Variants in KALRN observed in about 807,000 individuals in gnomAD.
KALRN encodes kalirin RhoGEF kinase, also known as kalirin.
KALRN carries 70 observed loss-of-function variants against 353.7 expected under a neutral mutation model. The observed-to-expected ratio is 0.20, with a 90% CI of 0.16 to 0.24. KALRN has a LOEUF of 0.24. Among genes scored for constraint, KALRN ranks in the 10% least tolerant of loss-of-function variants. The probability of loss-of-function intolerance (pLI) is 1.00; values close to 1 mark genes in which losing one functional copy is unlikely to be tolerated. For synonymous variants in KALRN, 1,391 were observed against 1,434.8 expected (o/e 0.97, Z 0.69); for missense variants, 2,791 against 3,756.7 (o/e 0.74, Z 6.72).
intron 22 of KALRN, among the ~76,000 whole-genome samples, chr3:124,455,637 A>G (rs1405674380): frequency 6.6e-6 from 1 of 152,192 alleles, no homozygotes; most frequent in Non-Finnish European, 1.5e-5. Context: ...TTCTCTGTAT[A>G]GAGTTAACTG....
intron 17 of KALRN, among the ~76,000 whole-genome samples, chr3:124,435,642 G>A (rs571143029): frequency 1.3e-5 from 2 of 152,268 alleles, no homozygotes; most frequent in African/African-American, 4.8e-5. Context: ...GCGCATCAGA[G>A]GGCCCTGCAG....
chr3:124,215,355 G>C (rs933424431), intron 1 of KALRN, among the ~76,000 whole-genome samples: 5 of 152,164 alleles, frequency 3.3e-5, no homozygotes, highest in Non-Finnish European at 5.9e-5. Flanking sequence ...GTAGCTTACT[G>C]GTATGCAGTG....
intron 1 of KALRN, among the ~76,000 whole-genome samples, chr3:124,181,696 C>T (rs759868669): frequency 6.6e-6 from 1 of 152,040 alleles, no homozygotes; most frequent in East Asian, 1.9e-4. Context: ...TTGCTGCAGT[C>T]GTTTGGAAGG....
chr3:124,247,545 T>TA (rs1273454067), intron 3 of KALRN, among the ~76,000 whole-genome samples: 3 of 152,126 alleles, frequency 2.0e-5, no homozygotes, highest in African/African-American at 4.8e-5. Flanking sequence ...AAATCAAATT[T>TA]AAAAAAACTA....
chr3:124,206,870 A>G (rs958586570), intron 1 of KALRN, among the ~76,000 whole-genome samples: 7 of 152,222 alleles, frequency 4.6e-5, no homozygotes, highest in Non-Finnish European at 1.0e-4. Flanking sequence ...ATTATTGTCT[A>G]AAATGCCTCA....
At chr3:124,170,860 TTTTTTTTTTTG>T (rs2071696129) in intron 1 of KALRN, among the ~76,000 whole-genome samples, 3 of 100,770 alleles carry the variant, frequency 3.0e-5, no homozygotes, top group East Asian at 6.8e-4. Context: ...TTTTTTTTTT[TTTTTTTTTTTG>T]AGACATGGTC....
rs1576356473 is a variant in KALRN at position 124,368,755 on chromosome 3, A to C, written c.1771-16090A>C. ...TAGTGAGCCGAGATCACGCCACTGC[A>C]CTCCAGCCTGGGCACCATTGAGCAC... On this transcript the variant is annotated intron_variant, in intron 10 of 59. Coordinates refer to ENST00000682506, the MANE Select transcript of KALRN (RefSeq NM_001388419.1). Among the ~76,000 whole-genome samples, 12 of 150,678 alleles carry C rather than the reference A, an allele frequency of 8.0e-5. No homozygotes were observed. In the South Asian group the frequency reaches 2.6e-3, roughly 32 times the overall value.
chr3:124,391,978 G>A (rs1017791168), intron 11 of KALRN, among the ~76,000 whole-genome samples: 4 of 152,188 alleles, frequency 2.6e-5, no homozygotes, highest in African/African-American at 9.7e-5. Flanking sequence ...CCAAAATGAA[G>A]GACTACTTCA....
chr3:124,146,539 G>C (rs1156543040), intron 1 of KALRN, among the ~76,000 whole-genome samples: 1 of 152,086 alleles, frequency 6.6e-6, no homozygotes, highest in Non-Finnish European at 1.5e-5. Context: ...AGGCTAGAGA[G>C]GTACTAGAAG....
intron 3 of KALRN, 86 bp downstream of exon 3, chr3:124,235,029 G>C: frequency 1.1e-6 from 1 of 874,946 alleles, no homozygotes; most frequent in East Asian, 2.6e-5. Context: ...TCCCTGCCAG[G>C]GACCCTAGTG....
chr3:124,374,471 A>G (rs2086300584), intron 10 of KALRN: 1 of 152,222 alleles, frequency 6.6e-6, no homozygotes, highest in African/African-American at 2.4e-5. Context: ...CAACAGAGAT[A>G]TATGTGACCA....
At chr3:124,138,296 C>T (rs1353966264) in intron 1 of KALRN, among the ~76,000 whole-genome samples, 1 of 152,150 alleles carries the variant, frequency 6.6e-6, no homozygotes, top group Admixed American at 6.5e-5. Context: ...TACTCTTTTC[C>T]ACTCCCCCAA....
At chr3:124,405,158 G>A (rs748448042) in intron 13 of KALRN, among the ~76,000 whole-genome samples, 1 of 152,082 alleles carries the variant, frequency 6.6e-6, no homozygotes, top group Non-Finnish European at 1.5e-5. Context: ...TTAATTTCAG[G>A]ATCACTGGGA....
intron 5 of KALRN, among the ~76,000 whole-genome samples, chr3:124,295,847 T>G (rs2076803652): frequency 1.3e-5 from 2 of 152,226 alleles, no homozygotes; most frequent in African/African-American, 2.4e-5. Context: ...TGTCTTCTTT[T>G]CCTTCTTGTC....
chr3:124,222,648 C>T (rs1180808588), intron 1 of KALRN, among the ~76,000 whole-genome samples: 1 of 152,130 alleles, frequency 6.6e-6, no homozygotes, highest in Non-Finnish European at 1.5e-5. Flanking sequence ...GTCACCCGGG[C>T]TGGAGTGAAG....
chr3:124,123,664 A>G (rs1196479770), intron 1 of KALRN, among the ~76,000 whole-genome samples: 2 of 152,258 alleles, frequency 1.3e-5, no homozygotes, highest in African/African-American at 2.4e-5. Flanking sequence ...ATAGCCTTCT[A>G]TTGGAAGAAG....
At chr3:124,597,394 G>A (rs1028365108) in intron 34 of KALRN, among the ~76,000 whole-genome samples, 5 of 152,232 alleles carry the variant, frequency 3.3e-5, no homozygotes, top group African/African-American at 1.2e-4. Flanking sequence ...ACAGTGCTGC[G>A]AGGTCCTGCC....
At chr3:124,325,493 C>A (rs963335338) in intron 6 of KALRN, among the ~76,000 whole-genome samples, 2 of 152,140 alleles carry the variant, frequency 1.3e-5, no homozygotes, top group African/African-American at 4.8e-5. Flanking sequence ...ATTACTGTGT[C>A]TCCTTTGCCC....
rs546735311 is a variant in KALRN at position 124,036,468 on chromosome 3, G to A, written c.73+2655G>A. Among the ~76,000 whole-genome samples, 40 of 151,746 alleles carry A rather than the reference G, an allele frequency of 2.6e-4. No individual in the cohort carries two copies. In the South Asian group the frequency reaches 8.4e-3, roughly 32 times the overall value. On this transcript the variant is annotated intron_variant, in intron 1 of 59. Coordinates refer to ENST00000682506, the MANE Select transcript of KALRN (RefSeq NM_001388419.1). ...CATTTTCTTTATCTAGTCTGCCATT[G>A]ATGGGCATTTAGGTTGATTCCATGT...
Sources: gnomAD v4.1 joint callset for allele counts (sites outside exome capture counted in the v4.1 genomes callset) on GRCh38, gnomAD v4.1.1 for gene constraint, MANE v1.5 for transcripts, NCBI Gene and HGNC (gene_info 2026-07-23, HGNC 2026-07-21) for gene names.